Variants in PKD2 observed in about 807,000 individuals in gnomAD.
PKD2 encodes polycystin-2.
A neutral mutation model predicts 105.9 loss-of-function variants in PKD2; 48 were observed. That is an observed-to-expected ratio of 0.45 (90% CI 0.36 to 0.58). PKD2 has a LOEUF of 0.58. Among genes scored for constraint, PKD2 ranks in the 20% least tolerant of loss-of-function variants. PKD2 has a pLI of 0.00. For missense variants in PKD2, 1,078 were observed against 1,255.3 expected (o/e 0.86, Z 2.13); for synonymous variants, 464 against 481.1 (o/e 0.96, Z 0.46).
At chr4:88,061,849 A>G in intron 9 of PKD2, 57 bp from the exon 10 acceptor site, 9 of 861,596 alleles carry the variant, frequency 1.0e-5, no homozygotes, top group Non-Finnish European at 1.6e-5. Flanking sequence ...TTTTTGATTG[A>G]TAATTCCAAA....
chr4:88,033,978 C>T (rs1000057553), intron 2 of PKD2, among the ~76,000 whole-genome samples: 2 of 152,196 alleles, frequency 1.3e-5, no homozygotes, highest in African/African-American at 4.8e-5. Flanking sequence ...CTAGGCAGCA[C>T]TCTCCCTGGG....
intron 3 of PKD2, 37 bp from the exon 4 acceptor site, chr4:88,038,214 C>G (rs1007202544): frequency 8.1e-6 from 13 of 1,612,694 alleles, no homozygotes; most frequent in Admixed American, 1.7e-5. Flanking sequence ...AGCGGCTGAG[C>G]TTGGAACTTT....
intron 4 of PKD2, among the ~76,000 whole-genome samples, chr4:88,040,213 C>T (rs1727505128): frequency 6.6e-6 from 1 of 152,146 alleles, no homozygotes; most frequent in Non-Finnish European, 1.5e-5. Flanking sequence ...ACTCCAAAAC[C>T]CATGTTTCGC....
At chr4:88,008,424 C>CTCG (rs1381260811) in intron 1 of PKD2, 96 bp downstream of exon 1, 1 of 1,399,588 alleles carries the variant, frequency 7.1e-7, no homozygotes, top group Non-Finnish European at 9.4e-7. Flanking sequence ...CGGGCTCCAT[C>CTCG]TCGCATCCCC....
chr4:88,075,589 A>C lies in PKD2; in HGVS notation c.2802A>C (p.Gly934=), dbSNP rs375655071. Residue 934 remains glycine (G), a synonymous_variant, in exon 15 of 15, where the codon GGA becomes GGC. Coordinates refer to ENST00000237596, the MANE Select transcript of PKD2 (RefSeq NM_000297.4). ...GTCATGGTTTAGGCACGCCAGTGGGACTAAATGGTCAACCTCGCCCCAGAA... is the reference window on the plus strand; with the variant it reads ...GTCATGGTTTAGGCACGCCAGTGGGCCTAAATGGTCAACCTCGCCCCAGAA... ...QISHGLGTPV[G]LNGQPRPRSS... is the part of the protein sequence containing the mutation. 3.1e-6 allele frequency: 5 copies of C among 1,614,034 alleles called. No homozygotes were observed. The African/African-American group carries it at 5.3e-5, about 17-fold the overall frequency.
chr4:88,058,931 A>T (rs1720460182), intron 9 of PKD2, among the ~76,000 whole-genome samples: 1 of 152,152 alleles, frequency 6.6e-6, no homozygotes, highest in Admixed American at 6.5e-5. Flanking sequence ...TCATCTAAAC[A>T]CTAACAGTCA....
Position 88,007,850 on chromosome 4 carries a change from C to T in PKD2, c.117C>T (p.Ser39=). 3.3e-6 allele frequency: 4 copies of T among 1,218,636 alleles called. No individual in the cohort carries two copies. The highest frequency in any genetic ancestry group is 3.4e-5 in the East Asian group (1 of 29,588). The allele number at this position is 1,218,636 out of a possible 1,614,324, so 75.5% of individuals were successfully genotyped here. The change falls in exon 1 of 15, where the codon AGC becomes AGT. Residue 39 remains serine (S), a synonymous_variant. Coordinates refer to ENST00000237596, the MANE Select transcript of PKD2 (RefSeq NM_000297.4). ...CTGGCTGCGCGGCCGTGGGCGCCAG[C>T]CTCGCCGCCCCGGGCGGCCTCTGCG... ...LMAGCAAVGA[S]LAAPGGLCEQ...
chr4:88,064,316 A>G (rs1457128493), intron 10 of PKD2, among the ~76,000 whole-genome samples: 1 of 152,250 alleles, frequency 6.6e-6, no homozygotes, highest in Non-Finnish European at 1.5e-5. Context: ...TACTCTGGAT[A>G]CATTTTTTAC....
chr4:88,068,108 T>C, intron 13 of PKD2, 47 bp downstream of exon 13: 1 of 1,445,950 alleles, frequency 6.9e-7, no homozygotes, highest in South Asian at 1.1e-5. Flanking sequence ...AGAGTCCACA[T>C]GAGACCAGGC....
chr4:88,030,223 C>T (rs1382677655), intron 2 of PKD2, among the ~76,000 whole-genome samples: 2 of 152,120 alleles, frequency 1.3e-5, no homozygotes, highest in Non-Finnish European at 2.9e-5. Flanking sequence ...ATGAACACAG[C>T]TCACTGCAGC....
intron 10 of PKD2, among the ~76,000 whole-genome samples, chr4:88,064,770 G>GTCCCAGCTACGTA (rs1159808801): frequency 6.6e-6 from 1 of 151,692 alleles, no homozygotes; most frequent in African/African-American, 2.4e-5. Context: ...CACACCTGTA[G>GTCCCAGCTACGTA]TCCCAGCTAC....
chr4:88,054,588 G>A (rs1720248876), intron 7 of PKD2, among the ~76,000 whole-genome samples: 2 of 151,186 alleles, frequency 1.3e-5, no homozygotes, highest in Non-Finnish European at 2.9e-5. Context: ...TGCTTCTCTT[G>A]GAAATGTCTT....
At chr4:88,044,596 T>C (rs1727700648) in intron 5 of PKD2, among the ~76,000 whole-genome samples, 1 of 152,212 alleles carries the variant, frequency 6.6e-6, no homozygotes, top group Non-Finnish European at 1.5e-5. Flanking sequence ...TGTCTGCATA[T>C]ATATAATGAG....
At chr4:88,020,192 A>G (rs559288825) in intron 2 of PKD2, among the ~76,000 whole-genome samples, 4 of 152,332 alleles carry the variant, frequency 2.6e-5, no homozygotes, top group Admixed American at 6.5e-5. Flanking sequence ...ATATCAGTTA[A>G]CATAAAGTCT....
At chr4:88,031,050 C>G (rs751508363) in intron 2 of PKD2, among the ~76,000 whole-genome samples, 8 of 152,056 alleles carry the variant, frequency 5.3e-5, no homozygotes, top group Non-Finnish European at 1.0e-4. Context: ...CTATAGAAAC[C>G]ACACTTTCAA....
intron 1 of PKD2, among the ~76,000 whole-genome samples, chr4:88,008,786 C>A (rs1052255293): frequency 2.0e-5 from 3 of 152,026 alleles, no homozygotes; most frequent in Non-Finnish European, 2.9e-5. Context: ...TTGTCCCGGG[C>A]TGAAAAGGGT....
intron 2 of PKD2, among the ~76,000 whole-genome samples, chr4:88,021,507 G>A (rs1379335120): frequency 6.6e-6 from 1 of 151,420 alleles, no homozygotes; most frequent in Non-Finnish European, 1.5e-5. Flanking sequence ...TTTTGTTTTT[G>A]GAATATTGTA....
In PKD2 at chr4:88,046,739, C is replaced by T. The variant is rs1002113808; in HGVS notation, c.1417C>T (p.Leu473=). 1.2e-6 allele frequency: 2 copies of T among 1,612,966 alleles called. No homozygotes were observed. The highest frequency in any genetic ancestry group is 2.7e-5 in the African/African-American group (2 of 74,902). Residue 473 remains leucine, a synonymous_variant, in exon 6 of 15, where the codon CTG becomes TTG. Transcript: ENST00000237596. The part of the protein sequence containing the change: ...IRYVTTFDFF[L]AACEIIFCFF... ...ATATGTCACAACTTTTGATTTCTTCCTGGCAGCCTGTGAGATTATCTTTTG... is the reference window on the plus strand; with the variant it reads ...ATATGTCACAACTTTTGATTTCTTCTTGGCAGCCTGTGAGATTATCTTTTG...
intron 7 of PKD2, 45 bp from the exon 8 acceptor site, chr4:88,056,041 A>G: frequency 1.7e-6 from 2 of 1,183,936 alleles, no homozygotes; most frequent in Admixed American, 3.4e-5. Context: ...CAGTCACACC[A>G]TTTTGTTTAT....
Sources: allele counts gnomAD v4.1 joint callset (sites outside exome capture counted in the v4.1 genomes callset), GRCh38; gene constraint gnomAD v4.1.1; transcripts MANE v1.5; gene names NCBI Gene and HGNC (gene_info 2026-07-23, HGNC 2026-07-21).